XRCC4: variants seen among roughly 807,000 people sequenced by gnomAD.
The protein encoded by XRCC4 is X-ray repair cross complementing 4.
Under a neutral mutation model 39.1 loss-of-function variants are expected in XRCC4, and 28 were observed. The ratio of observed to expected loss-of-function variants is 0.72; its 90% CI spans 0.53 to 0.98. The LOEUF is 0.98. Among genes scored for constraint, XRCC4 ranks in the 50% least tolerant of loss-of-function variants. The pLI is 0.00. For synonymous variants in XRCC4, 123 were observed against 126.4 expected, an observed-to-expected ratio of 0.97 and a Z score of 0.18; for missense variants, 350 against 376.4, an observed-to-expected ratio of 0.93 and a Z score of 0.58.
chr5:83,092,973 C>T (rs1031474616), intron 1 of XRCC4, among the ~76,000 whole-genome samples: 17 of 151,200 alleles, frequency 1.1e-4, no homozygotes, highest in East Asian at 7.8e-4. Context: ...TGAGTGTAAA[C>T]GGATTATATT....
At chr5:83,168,729 A>G (rs901317705) in intron 3 of XRCC4, among the ~76,000 whole-genome samples, 4 of 152,252 alleles carry the variant, frequency 2.6e-5, no homozygotes, top group African/African-American at 9.6e-5. Context: ...ACAAAAACAC[A>G]AACACAAGAA....
At chr5:83,105,413 A>G (rs1457647982) in intron 2 of XRCC4, among the ~76,000 whole-genome samples, 1 of 152,122 alleles carries the variant, frequency 6.6e-6, no homozygotes, top group Non-Finnish European at 1.5e-5. Flanking sequence ...GGTTAGGTAA[A>G]TGGGTATGTG....
intron 6 of XRCC4, among the ~76,000 whole-genome samples, chr5:83,209,085 T>TGA (rs1451854986): frequency 2.6e-4 from 11 of 42,472 alleles, no homozygotes; most frequent in Non-Finnish European, 5.3e-4. Context: ...CCAAAGTGAG[T>TGA]GTGTGTGTGT....
At chr5:83,278,801 C>T (rs1181026826) in intron 7 of XRCC4, among the ~76,000 whole-genome samples, 2 of 151,712 alleles carry the variant, frequency 1.3e-5, no homozygotes, top group Non-Finnish European at 2.9e-5. Context: ...GCCTGGGCAA[C>T]ATGGCGAAAC....
intron 7 of XRCC4, among the ~76,000 whole-genome samples, chr5:83,310,024 A>C (rs943138001): frequency 2.0e-5 from 3 of 152,290 alleles, no homozygotes; most frequent in African/African-American, 2.4e-5. Context: ...CTACCGGTGA[A>C]TATAAAATAG....
At chr5:83,174,407 T>C (rs2112629282) in intron 3 of XRCC4, among the ~76,000 whole-genome samples, 1 of 152,264 alleles carries the variant, frequency 6.6e-6, no homozygotes, top group Admixed American at 6.5e-5. Context: ...CATATAACTA[T>C]GTATCTTAAT....
chr5:83,170,696 G>T (rs1749682642), intron 3 of XRCC4, among the ~76,000 whole-genome samples: 1 of 151,080 alleles, frequency 6.6e-6, no homozygotes, highest in South Asian at 2.1e-4. Flanking sequence ...CCCTTTAAGG[G>T]CTCACTTGAT....
At chr5:83,109,022 G>A (rs1746328241) in intron 2 of XRCC4, among the ~76,000 whole-genome samples, 1 of 151,492 alleles carries the variant, frequency 6.6e-6, no homozygotes, top group African/African-American at 2.4e-5. Flanking sequence ...TCCAAAGGTT[G>A]TGTGACGTAT....
the XRCC4 span, among the ~76,000 whole-genome samples, chr5:83,371,913 C>G: frequency 6.6e-6 from 1 of 152,170 alleles, no homozygotes; most frequent in Non-Finnish European, 1.5e-5. Context: ...AATCAAAGTT[C>G]TGATAAAATG....
the XRCC4 span, among the ~76,000 whole-genome samples, chr5:83,362,746 T>G: frequency 6.6e-6 from 1 of 151,890 alleles, no homozygotes; most frequent in Non-Finnish European, 1.5e-5. Context: ...AAGTTAGGGG[T>G]TTTTGATGAT....
intron 3 of XRCC4, among the ~76,000 whole-genome samples, chr5:83,132,684 G>A (rs1747660987): frequency 6.6e-6 from 1 of 151,962 alleles, no homozygotes. Flanking sequence ...GGCCACTGAA[G>A]CCTGTGCATG....
chr5:83,192,164 A>ATATATACACGTATATATTATATAT, intron 3 of XRCC4, among the ~76,000 whole-genome samples: 1 of 148,958 alleles, frequency 6.7e-6, no homozygotes, highest in Middle Eastern at 3.6e-3. Flanking sequence ...TTCTTTATAT[A>ATATATACACGTATATATTATATAT]TATATACACG....
At chr5:83,255,762 T>C (rs1226998095) in intron 6 of XRCC4, among the ~76,000 whole-genome samples, 1 of 152,228 alleles carries the variant, frequency 6.6e-6, no homozygotes, top group Non-Finnish European at 1.5e-5. Context: ...TCCCAGTCAC[T>C]ACCTCATAGA....
chr5:83,235,730 A>C (rs1185440978), intron 6 of XRCC4, among the ~76,000 whole-genome samples: 1 of 152,020 alleles, frequency 6.6e-6, no homozygotes, highest in East Asian at 1.9e-4. Context: ...CAGAGCAATT[A>C]GGCAAGGGAA....
At chr5:83,335,272 C>T (rs1448301335) in intron 7 of XRCC4, among the ~76,000 whole-genome samples, 1 of 151,628 alleles carries the variant, frequency 6.6e-6, no homozygotes, top group Non-Finnish European at 1.5e-5. Flanking sequence ...ATATAGCAAT[C>T]AACTCAATTT....
At chr5:83,186,114 T>C (rs1399804602) in intron 3 of XRCC4, among the ~76,000 whole-genome samples, 1 of 152,128 alleles carries the variant, frequency 6.6e-6, no homozygotes, top group African/African-American at 2.4e-5. Context: ...AATCACAACT[T>C]TTATGAAGAT....
intron 3 of XRCC4, among the ~76,000 whole-genome samples, chr5:83,166,629 A>T (rs1435538068): frequency 7.0e-6 from 1 of 143,308 alleles, no homozygotes; most frequent in South Asian, 2.2e-4. Context: ...ACGCCTAGCT[A>T]ATTTTTTTTT....
At chr5:83,158,187 C>T (rs747319038) in intron 3 of XRCC4, among the ~76,000 whole-genome samples, 10 of 152,008 alleles carry the variant, frequency 6.6e-5, no homozygotes, top group African/African-American at 1.2e-4. Flanking sequence ...AAGTAAAGGA[C>T]GAATAACGTC....
At chr5:83,131,524 T>G (rs780019988) in intron 3 of XRCC4, among the ~76,000 whole-genome samples, 1 of 152,174 alleles carries the variant, frequency 6.6e-6, no homozygotes, top group Non-Finnish European at 1.5e-5. Context: ...AGTCTCTTTG[T>G]AAGTCTCTAA....
Sources: allele counts gnomAD v4.1 joint callset (sites outside exome capture counted in the v4.1 genomes callset), GRCh38; gene constraint gnomAD v4.1.1; transcripts MANE v1.5; gene names NCBI Gene and HGNC (gene_info 2026-07-23, HGNC 2026-07-21).